The following SUSD6 variants were observed in gnomAD, a reference collection of about 807,000 sequenced individuals.
SUSD6 encodes the protein sushi domain containing 6, also known as sushi domain-containing protein 6.
In SUSD6, 16 loss-of-function variants were observed where a neutral mutation model predicts 28.4. The observed-to-expected ratio is 0.56, with a 90% CI of 0.38 to 0.86. The LOEUF (loss-of-function observed/expected upper bound fraction) is 0.86, where lower values mean the gene tolerates loss of function less well. Ranked by LOEUF, SUSD6 falls within the 40% of genes least tolerant of loss-of-function variation. The probability of loss-of-function intolerance (pLI) is 0.00; values close to 1 mark genes in which losing one functional copy is unlikely to be tolerated. For missense variants in SUSD6, 341 were observed against 384.2 expected (o/e 0.89, Z 0.94); for synonymous variants, 147 against 159.6 (o/e 0.92, Z 0.59).
chr14:69,678,920 G>A lies in SUSD6; in HGVS notation c.121+20207G>A, dbSNP rs559979894. 1.6e-4 allele frequency among the ~76,000 whole-genome samples: 25 copies of A among 152,340 alleles called. No individual in the cohort carries two copies. The South Asian group carries it at 5.2e-3, about 32-fold the overall frequency. ...CAGAATTTCTCTGGTATCTACACCT[G>A]GCAGGAGAGTTCCGGATTGTTGGAA... On this transcript the variant is annotated intron_variant, in intron 2 of 5. Coordinates refer to ENST00000342745, the MANE Select transcript of SUSD6 (RefSeq NM_014734.4).
chr14:69,702,557 A>G (rs1192153215), intron 2 of SUSD6, among the ~76,000 whole-genome samples: 1 of 152,232 alleles, frequency 6.6e-6, no homozygotes, highest in East Asian at 1.9e-4. Context: ...CTTGACACCC[A>G]TACCCCTTAA....
At chr14:69,700,159 C>G (rs1379969653) in intron 2 of SUSD6, among the ~76,000 whole-genome samples, 1 of 152,092 alleles carries the variant, frequency 6.6e-6, no homozygotes, top group East Asian at 1.9e-4. Context: ...TTCCAGCTTG[C>G]TTATCTATGC....
intron 1 of SUSD6, among the ~76,000 whole-genome samples, chr14:69,642,713 G>C (rs1160152131): frequency 6.7e-6 from 1 of 149,926 alleles, no homozygotes; most frequent in Non-Finnish European, 1.5e-5. Context: ...TTCAAGGTGA[G>C]ATTTGGTTGG....
intron 1 of SUSD6, among the ~76,000 whole-genome samples, chr14:69,638,482 A>G (rs928499854): frequency 9.5e-5 from 13 of 137,066 alleles, no homozygotes; most frequent in African/African-American, 3.7e-4. Flanking sequence ...GTGGGATTGA[A>G]GGATGAGGGT....
intron 2 of SUSD6, among the ~76,000 whole-genome samples, chr14:69,689,959 C>G (rs1192258035): frequency 6.6e-6 from 1 of 152,236 alleles, no homozygotes; most frequent in Non-Finnish European, 1.5e-5. Flanking sequence ...AGACACCATG[C>G]CCGTGTTTTT....
chr14:69,684,111 C>A (rs1368312254), intron 2 of SUSD6, among the ~76,000 whole-genome samples: 1 of 152,162 alleles, frequency 6.6e-6, no homozygotes, highest in Admixed American at 6.5e-5. Flanking sequence ...TCCTAGCGGA[C>A]CCAGTGGGGT....
chr14:69,642,851 G>A (rs1885373278), intron 1 of SUSD6, among the ~76,000 whole-genome samples: 1 of 152,120 alleles, frequency 6.6e-6, no homozygotes, highest in Non-Finnish European at 1.5e-5. Flanking sequence ...GGCATGCACA[G>A]ATCAGTACTC....
At chr14:69,658,991 A>T (rs545294526) in intron 2 of SUSD6, among the ~76,000 whole-genome samples, 1 of 152,276 alleles carries the variant, frequency 6.6e-6, no homozygotes, top group East Asian at 1.9e-4. Context: ...GGTTCAGAGC[A>T]CAATATGCAG....
At chr14:69,685,296 T>C (rs1886057263) in intron 2 of SUSD6, among the ~76,000 whole-genome samples, 1 of 152,246 alleles carries the variant, frequency 6.6e-6, no homozygotes, top group South Asian at 2.1e-4. Flanking sequence ...TTGTTTCCCA[T>C]AGGCCACTTT....
intron 1 of SUSD6, among the ~76,000 whole-genome samples, chr14:69,655,473 C>T (rs760049686): frequency 1.4e-4 from 22 of 152,060 alleles, no homozygotes; most frequent in Non-Finnish European, 2.4e-4. Flanking sequence ...TAGTTATTAA[C>T]AAGTTGCTCT....
At chr14:69,687,669 A>G (rs1886093075) in intron 2 of SUSD6, among the ~76,000 whole-genome samples, 2 of 152,236 alleles carry the variant, frequency 1.3e-5, no homozygotes, top group Admixed American at 6.5e-5. Flanking sequence ...ACACTGGGGT[A>G]CTATTATAAT....
At chr14:69,618,943 A>G (rs1197664464) in intron 1 of SUSD6, among the ~76,000 whole-genome samples, 1 of 152,200 alleles carries the variant, frequency 6.6e-6, no homozygotes, top group Admixed American at 6.5e-5. Flanking sequence ...ATGAAATGTT[A>G]GAGTTGGAAA....
chr14:69,672,412 C>T (rs1451065729), intron 2 of SUSD6, among the ~76,000 whole-genome samples: 1 of 152,068 alleles, frequency 6.6e-6, no homozygotes, highest in Non-Finnish European at 1.5e-5. Context: ...TCTGAGAAGC[C>T]AGAGTTCCTG....
At position 69,629,279 on chromosome 14, in the gene SUSD6, C is replaced by T. The variant is rs566273400; in HGVS notation, c.-81+17451C>T. 6.5e-4 allele frequency among the ~76,000 whole-genome samples: 99 copies of T among 152,082 alleles called. 2 individuals are homozygous for T. The South Asian group carries it at 8.5e-3, about 13-fold the overall frequency. On this transcript the variant is annotated intron_variant, in intron 1 of 5. Coordinates refer to ENST00000342745, the MANE Select transcript of SUSD6 (RefSeq NM_014734.4). ...ATGATGGCATTTCTTCCCTGAGGGACGAGGGATGGACCAGAGGAGCCTGGA... is the reference window on the plus strand; with the variant it reads ...ATGATGGCATTTCTTCCCTGAGGGATGAGGGATGGACCAGAGGAGCCTGGA...
At chr14:69,665,317 C>T (rs1197179415) in intron 2 of SUSD6, among the ~76,000 whole-genome samples, 1 of 152,228 alleles carries the variant, frequency 6.6e-6, no homozygotes, top group East Asian at 1.9e-4. Context: ...CACAGCTCAC[C>T]GCAACTTCTG....
intron 2 of SUSD6, among the ~76,000 whole-genome samples, chr14:69,662,296 C>T (rs1169459423): frequency 1.3e-5 from 2 of 152,146 alleles, no homozygotes; most frequent in Non-Finnish European, 2.9e-5. Context: ...TTGTCTGCAT[C>T]GTCTCTGGTC....
chr14:69,667,424 T>TGC (rs1885760077), intron 2 of SUSD6, among the ~76,000 whole-genome samples: 1 of 140,722 alleles, frequency 7.1e-6, no homozygotes, highest in Non-Finnish European at 1.5e-5. Context: ...TCGCCCAGGC[T>TGC]GGAGTGCAGT....
At chr14:69,682,006 G>T (rs927032139) in intron 2 of SUSD6, among the ~76,000 whole-genome samples, 2 of 152,168 alleles carry the variant, frequency 1.3e-5, no homozygotes, top group African/African-American at 4.8e-5. Context: ...TACTGCTAAT[G>T]TTGCTGTAAT....
rs1886488738 is a variant in SUSD6 at position 69,713,076 on chromosome 14, CTG to C, written c.*2099_*2100del. 1 of 152,208 alleles carries C rather than the reference CTG, an allele frequency of 6.6e-6. No homozygotes were observed. The highest frequency in any genetic ancestry group is 6.5e-5 in the Admixed American group (1 of 15,284). The allele number at this position is 152,208 out of a possible 1,614,324, so 9.4% of individuals were successfully genotyped here. A position where few individuals can be genotyped will look rare whatever the true frequency, so the allele number is the denominator to read the frequency against. ...CTGAGCCTTCAGCTTTTATTTTTCA[CTG>C]TTTCAAAACCCGCATTCTATTCTAG... On this transcript the variant is annotated 3_prime_UTR_variant, in exon 6 of 6. Transcript: ENST00000342745.
Sources: allele counts gnomAD v4.1 joint callset (sites outside exome capture counted in the v4.1 genomes callset), GRCh38; gene constraint gnomAD v4.1.1; transcripts MANE v1.5; gene names NCBI Gene and HGNC (gene_info 2026-07-23, HGNC 2026-07-21).